The following IGF1R variants were observed in gnomAD, a reference collection of about 807,000 sequenced individuals.
IGF1R encodes the protein insulin like growth factor 1 receptor.
IGF1R carries 44 observed loss-of-function variants against 144.6 expected under a neutral mutation model. The observed-to-expected ratio is 0.30, with a 90% CI of 0.24 to 0.39. IGF1R has a LOEUF of 0.39. Ranked by LOEUF, IGF1R falls within the 10% of genes least tolerant of loss-of-function variation. The pLI, the probability that IGF1R is intolerant of heterozygous loss-of-function variation, is 1.00. For missense variants in IGF1R, 1,355 were observed against 1,833.7 expected, an observed-to-expected ratio of 0.74 and a Z score of 4.77; for synonymous variants, 795 against 722.8, an observed-to-expected ratio of 1.10 and a Z score of -1.60.
At chr15:98,911,679 T>G (rs1038018774) in intron 7 of IGF1R, among the ~76,000 whole-genome samples, 1 of 152,166 alleles carries the variant, frequency 6.6e-6, no homozygotes, top group African/African-American at 2.4e-5. Context: ...TGTCATTCTT[T>G]AGTGAGTGAT....
intron 2 of IGF1R, among the ~76,000 whole-genome samples, chr15:98,846,082 A>C (rs1195138277): frequency 6.6e-6 from 1 of 152,214 alleles, no homozygotes; most frequent in Non-Finnish European, 1.5e-5. Flanking sequence ...GGAGTCTCTG[A>C]CATCAGCTAA....
Position 98,957,219 on chromosome 15 carries a change from A to AC in IGF1R, c.3883dup (p.Leu1295ProfsTer79). On this transcript the variant is annotated frameshift_variant, in exon 21 of 21. Coordinates refer to ENST00000650285, the MANE Select transcript of IGF1R (RefSeq NM_000875.5). LOFTEE classifies it high-confidence loss of function. ...AAGCTGCCCGAGCCGGAGGAGCTGG[A>AC]CCTGGAGCCAGAGAACATGGAGAGC... is the stretch of plus-strand genomic sequence containing the variant. The AC allele has an allele frequency of 6.2e-7, 1 of 1,614,088 alleles. No individual in the cohort carries two copies. The highest frequency in any genetic ancestry group is 8.5e-7 in the Non-Finnish European group (1 of 1,180,050).
Position 98,924,002 on chromosome 15 carries a change from C to T in IGF1R, c.2612C>T (p.Ser871Leu), listed in dbSNP as rs1198959559. Reference sequence around the variant, plus strand: ...CTAATGTATGAAATAAAATACGGATCACAAGTTGAGGTAGGACTGGGGCAG... The same window carrying T: ...CTAATGTATGAAATAAAATACGGATTACAAGTTGAGGTAGGACTGGGGCAG... ...LILMYEIKYGSQVEDQRECVS... is the reference protein window; with the variant it reads ...LILMYEIKYGLQVEDQRECVS... Residue 871 changes from serine to leucine, a missense_variant, in exon 12 of 21, where the codon TCA becomes TTA. Transcript: ENST00000650285. 10 of 1,614,074 alleles carry T rather than the reference C, an allele frequency of 6.2e-6. 1 individual carries two copies. The highest frequency in any genetic ancestry group is 3.3e-5 in the South Asian group (3 of 91,064).
chr15:98,749,183 C>T (rs1166207884), intron 2 of IGF1R, among the ~76,000 whole-genome samples: 2 of 141,672 alleles, frequency 1.4e-5, no homozygotes, highest in Non-Finnish European at 3.1e-5. Context: ...TTTTTTTTTA[C>T]AGAATAAATC....
chr15:98,665,473 C>G (rs984905850), intron 1 of IGF1R, among the ~76,000 whole-genome samples: 1 of 152,080 alleles, frequency 6.6e-6, no homozygotes, highest in African/African-American at 2.4e-5. Flanking sequence ...TGTCCCTTCG[C>G]CCTTCAGTCT....
chr15:98,784,724 A>T (rs913186442), intron 2 of IGF1R, among the ~76,000 whole-genome samples: 3 of 152,186 alleles, frequency 2.0e-5, no homozygotes, highest in African/African-American at 7.2e-5. Flanking sequence ...GTAAAAAAAA[A>T]TTACAATACA....
intron 2 of IGF1R, among the ~76,000 whole-genome samples, chr15:98,863,480 A>G (rs2012268328): frequency 1.3e-5 from 2 of 152,166 alleles, no homozygotes; most frequent in Non-Finnish European, 2.9e-5. Context: ...ATGTTTGCCA[A>G]ATGGTGATTT....
intron 1 of IGF1R, among the ~76,000 whole-genome samples, chr15:98,691,826 G>GC (rs1447525619): frequency 6.6e-6 from 1 of 152,120 alleles, no homozygotes; most frequent in Non-Finnish European, 1.5e-5. Flanking sequence ...ACATCTATTT[G>GC]CCCCACTGAC....
chr15:98,906,365 GA>G (rs1463420087), intron 5 of IGF1R, among the ~76,000 whole-genome samples: 3 of 152,358 alleles, frequency 2.0e-5, no homozygotes, highest in African/African-American at 7.2e-5. Context: ...TCAACAAGGA[GA>G]TTTTGTCCTG....
In IGF1R at chr15:98,960,212, C is replaced by T. The variant is rs2017169288; in HGVS notation, c.*2770C>T. The stretch of plus-strand genomic sequence containing the variant: ...TGCAGGGGGAAGCCAGGCTGTATTC[C>T]GGGGTCAAAGCAACACTAACTCACC... On this transcript the variant is annotated 3_prime_UTR_variant, in exon 21 of 21. Coordinates refer to ENST00000650285, the MANE Select transcript of IGF1R (RefSeq NM_000875.5). The T allele has an allele frequency of 1.7e-5, 4 of 233,560 alleles. No individual in the cohort carries two copies. The highest frequency in any genetic ancestry group is 5.6e-5 in the Admixed American group (1 of 17,790). The allele number at this position is 233,560 out of a possible 1,614,324, so 14.5% of individuals were successfully genotyped here. A position where few individuals can be genotyped will look rare whatever the true frequency, so the allele number is the denominator to read the frequency against.
At chr15:98,719,275 C>T (rs746718560) in intron 2 of IGF1R, among the ~76,000 whole-genome samples, 2 of 152,150 alleles carry the variant, frequency 1.3e-5, no homozygotes, top group Non-Finnish European at 2.9e-5. Context: ...GGTTCTAACT[C>T]TTTATCACTT....
chr15:98,758,779 T>C (rs1315823992), intron 2 of IGF1R, among the ~76,000 whole-genome samples: 1 of 152,260 alleles, frequency 6.6e-6, no homozygotes, highest in African/African-American at 2.4e-5. Flanking sequence ...ATTAGATTAC[T>C]GTCCTTGTTA....
intron 1 of IGF1R, among the ~76,000 whole-genome samples, chr15:98,650,278 CTT>C (rs1290793586): frequency 1.3e-5 from 2 of 152,332 alleles, no homozygotes; most frequent in Admixed American, 1.3e-4. Context: ...GCCCAACGTG[CTT>C]TTGCCCCTCG....
intron 1 of IGF1R, among the ~76,000 whole-genome samples, chr15:98,682,377 G>A (rs551049109): frequency 9.9e-5 from 15 of 152,152 alleles, no homozygotes; most frequent in Non-Finnish European, 2.1e-4. Context: ...CATTGAAGAA[G>A]CATATCTGTG....
Position 98,961,913 on chromosome 15 carries a change from C to T in IGF1R, c.*4471C>T, listed in dbSNP as rs988085507. ...ATTTCAATGGTACGAAAAGTGGCTT[C>T]GTAAAATAGAAGAGCAGTCACTGTG... On this transcript the variant is annotated 3_prime_UTR_variant, in exon 21 of 21. Transcript: ENST00000650285. The T allele has an allele frequency of 8.6e-5, 20 of 233,178 alleles. No individual in the cohort carries two copies. Among genetic ancestry groups the T allele is most frequent in the East Asian group, 7.2e-4 (12 of 16,612 alleles). The allele number at this position is 233,178 out of a possible 1,614,324, so 14.4% of individuals were successfully genotyped here. A position where few individuals can be genotyped will look rare whatever the true frequency, so the allele number is the denominator to read the frequency against.
chr15:98,900,480 C>G (rs1596414497), intron 5 of IGF1R: 1 of 152,216 alleles, frequency 6.6e-6, no homozygotes, highest in Admixed American at 6.5e-5. Flanking sequence ...TTTATCTGCC[C>G]CAACTGGATA....
chr15:98,787,492 CT>C (rs1343141367), intron 2 of IGF1R, among the ~76,000 whole-genome samples: 4 of 152,196 alleles, frequency 2.6e-5, no homozygotes, highest in Non-Finnish European at 5.9e-5. Flanking sequence ...AAATGAAAAG[CT>C]CTGTAACCCT....
intron 1 of IGF1R, among the ~76,000 whole-genome samples, chr15:98,685,482 T>C (rs1024837358): frequency 6.6e-6 from 1 of 152,108 alleles, no homozygotes; most frequent in Non-Finnish European, 1.5e-5. Context: ...CGCTTCCCAG[T>C]GGGTTTCCAT....
chr15:98,760,490 A>G (rs8040237), intron 2 of IGF1R, among the ~76,000 whole-genome samples: 1,711 of 152,360 alleles, frequency 0.011, 31 homozygotes, highest in African/African-American at 0.039. Context: ...ACAGATTTTT[A>G]TAACGATAGC....
Sources: allele counts gnomAD v4.1 joint callset (sites outside exome capture counted in the v4.1 genomes callset), GRCh38; gene constraint gnomAD v4.1.1; transcripts MANE v1.5; gene names NCBI Gene and HGNC (gene_info 2026-07-23, HGNC 2026-07-21).